The following GART variants were observed in gnomAD, a reference collection of about 807,000 sequenced individuals.
GART encodes trifunctional purine biosynthetic protein adenosine-3.
In GART, 43 loss-of-function variants were observed where a neutral mutation model predicts 107.2. That is an observed-to-expected ratio of 0.40 (90% CI 0.31 to 0.52). GART has a LOEUF of 0.52. Among genes scored for constraint, GART ranks in the 20% least tolerant of loss-of-function variants. GART has a pLI of 0.52. For missense variants in GART, 1,107 were observed against 1,206.5 expected (o/e 0.92, Z 1.22); for synonymous variants, 434 against 427.0 (o/e 1.02, Z -0.20).
At chr21:33,509,965 A>G (rs2084755778) in intron 17 of GART, 45 bp from the exon 18 acceptor site, 1 of 1,534,680 alleles carries the variant, frequency 6.5e-7, no homozygotes, top group Admixed American at 1.9e-5. Context: ...ACAATTGTGA[A>G]TTAACAAGAA....
chr21:33,509,963 G>T, intron 17 of GART, 43 bp from the exon 18 acceptor site: 1 of 1,527,872 alleles, frequency 6.5e-7, no homozygotes, highest in Non-Finnish European at 8.9e-7. Flanking sequence ...GAACAATTGT[G>T]AATTAACAAG....
At position 33,535,280 on chromosome 21, in the gene GART, G is replaced by A; in HGVS notation, c.186C>T (p.Cys62=). ...CTACAAATTCAATTTTCTTCTCTTT[G>A]CAGAATTGAGCAAGGGCAGTGTGGT... ...ISDHTALAQF[C]KEKKIEFVVV... is the part of the protein sequence containing the mutation. The change falls in exon 3 of 22, where the codon TGC becomes TGT. Residue 62 remains cysteine (C), a synonymous_variant. Transcript: ENST00000381815. The A allele has an allele frequency of 2.7e-6, 4 of 1,466,102 alleles. No homozygotes were observed. The highest frequency in any genetic ancestry group is 2.9e-5 in the East Asian group (1 of 34,978). 90.8% of individuals were successfully genotyped at this position (1,466,102 alleles called of 1,614,324 possible). A position where few individuals can be genotyped will look rare whatever the true frequency, so the allele number is the denominator to read the frequency against.
rs2084637325 is a variant in GART at position 33,504,089 on chromosome 21, T to G, written c.*35A>C. 1 of 1,554,330 alleles carries G rather than the reference T, an allele frequency of 6.4e-7. No homozygotes were observed. Among genetic ancestry groups the G allele is most frequent in the Admixed American group, 2.0e-5 (1 of 50,210 alleles). The stretch of plus-strand genomic sequence containing the variant: ...CCACCATGCAAACAGCAAATAATTC[T>G]TTCTAAACTGGCCCCATTTCTGAAT... On this transcript the variant is annotated 3_prime_UTR_variant, in exon 22 of 22. Transcript: ENST00000381815.
At chr21:33,512,585 T>C (rs2084805015) in intron 16 of GART, among the ~76,000 whole-genome samples, 1 of 152,122 alleles carries the variant, frequency 6.6e-6, no homozygotes, top group Non-Finnish European at 1.5e-5. Context: ...GATTTATTTA[T>C]TGGATAATTT....
chr21:33,515,212 C>A (rs2084852616), intron 16 of GART, among the ~76,000 whole-genome samples: 2 of 152,182 alleles, frequency 1.3e-5, no homozygotes, highest in South Asian at 4.1e-4. Context: ...AAGCTCCCAC[C>A]CCAGGCCTGA....
rs2085183111 is a variant in GART, at chr21:33,531,268, TA to T, written c.597+220del. 3.1e-5 allele frequency: 16 copies of T among 519,814 alleles called. No homozygotes were observed. The South Asian group carries it at 5.1e-4, about 17-fold the overall frequency. 32.2% of individuals were successfully genotyped at this position (519,814 alleles called of 1,614,324 possible). A position where few individuals can be genotyped will look rare whatever the true frequency, so the allele number is the denominator to read the frequency against. Reference sequence around the variant, plus strand: ...ATTAATCCAGAACCTCAATAGTGTGTAAGTCCAAGTGCCCCCACTAACACAC... The same window carrying T: ...ATTAATCCAGAACCTCAATAGTGTGTAGTCCAAGTGCCCCCACTAACACAC... On this transcript the variant is annotated intron_variant, in intron 6 of 21. Transcript: ENST00000381815.
rs368534728 is a variant in GART, at chr21:33,520,613, T to C, written c.1504-51A>G. 4.0e-5 allele frequency: 60 copies of C among 1,495,322 alleles called. No homozygotes were observed. In the African/African-American group the frequency reaches 7.5e-4, roughly 19 times the overall value. 92.6% of individuals were successfully genotyped at this position (1,495,322 alleles called of 1,614,324 possible). A position where few individuals can be genotyped will look rare whatever the true frequency, so the allele number is the denominator to read the frequency against. On this transcript the variant is annotated intron_variant, in intron 13 of 21. Coordinates refer to ENST00000381815, the MANE Select transcript of GART (RefSeq NM_000819.5). ...ACATTAGGGAATAAGTTCAAAATTG[T>C]ATCTTATCCATTTGATTAGCTGCTC...
chr21:33,531,393 T>C, intron 6 of GART, 96 bp downstream of exon 6: 1 of 1,051,704 alleles, frequency 9.5e-7, no homozygotes, highest in Non-Finnish European at 1.4e-6. Context: ...TGTTTTTAGA[T>C]GAAGCAACCA....
Position 33,534,764 on chromosome 21 carries a change from A to G in GART, c.242-11T>C, listed in dbSNP as rs759441701. 2.6e-6 allele frequency: 4 copies of G among 1,556,946 alleles called. No individual in the cohort carries two copies. The highest frequency in any genetic ancestry group is 1.8e-4 in the Middle Eastern group (1 of 5,548). On this transcript the variant is annotated splice_polypyrimidine_tract_variant and intron_variant, in intron 3 of 21. Coordinates refer to ENST00000381815, the MANE Select transcript of GART (RefSeq NM_000819.5). Reference sequence around the variant, plus strand: ...GGTTCCCAACAATCCCTATTGATGAAAACAGTAGCCTTAGGTGAACCAAGG... The same window carrying G: ...GGTTCCCAACAATCCCTATTGATGAGAACAGTAGCCTTAGGTGAACCAAGG...
At chr21:33,505,200 ACT>A (rs1020488906) in intron 20 of GART, among the ~76,000 whole-genome samples, 3 of 152,008 alleles carry the variant, frequency 2.0e-5, no homozygotes, top group Non-Finnish European at 4.4e-5. Context: ...ATACGGAATC[ACT>A]CTCTTTTGCT....
At chr21:33,542,221 G>A (rs2085455103), upstream of GART, 1 of 152,292 alleles carries the variant, frequency 6.6e-6, no homozygotes, top group African/African-American at 2.4e-5. Context: ...TCCGCGGCGA[G>A]AATCTAGTCT....
intron 4 of GART, among the ~76,000 whole-genome samples, chr21:33,533,087 T>G (rs754952411): frequency 4.6e-5 from 7 of 152,234 alleles, no homozygotes; most frequent in Non-Finnish European, 7.3e-5. Context: ...TAACACTCAT[T>G]AATTGCTCAA....
intron 1 of GART, among the ~76,000 whole-genome samples, chr21:33,540,823 G>A (rs921097697): frequency 2.6e-5 from 4 of 152,138 alleles, no homozygotes; most frequent in Non-Finnish European, 5.9e-5. Flanking sequence ...TTAACCTTGG[G>A]CAGGGTACTA....
chr21:33,508,813 C>A (rs2084731963), intron 18 of GART, among the ~76,000 whole-genome samples: 1 of 152,136 alleles, frequency 6.6e-6, no homozygotes, highest in African/African-American at 2.4e-5. Context: ...CAGCACCCGG[C>A]CCTATTGTTT....
At chr21:33,533,267 G>A (rs1418492701) in intron 4 of GART, among the ~76,000 whole-genome samples, 1 of 151,172 alleles carries the variant, frequency 6.6e-6, no homozygotes, top group Non-Finnish European at 1.5e-5. Context: ...GTGAAACCCC[G>A]TCTCTTCTAA....
chr21:33,528,771 A>C (rs2085124781), intron 8 of GART, 79 bp downstream of exon 8: 2 of 1,166,906 alleles, frequency 1.7e-6, no homozygotes, highest in Non-Finnish European at 2.4e-6. Flanking sequence ...AAAAAAAAAA[A>C]AGGGAATGGA....
At chr21:33,518,906 C>T (rs2145708560) in intron 14 of GART, 1 of 518,424 alleles carries the variant, frequency 1.9e-6, no homozygotes, top group East Asian at 4.9e-5. Context: ...AAAGTGTTCA[C>T]TGCCCCAGAG....
intron 18 of GART, among the ~76,000 whole-genome samples, chr21:33,507,241 T>G (rs138334206): frequency 3.4e-4 from 52 of 152,330 alleles, no homozygotes; most frequent in African/African-American, 1.2e-3. Context: ...TCCTGTCATT[T>G]GCAACAACAT....
At position 33,517,085 on chromosome 21, in the gene GART, G is replaced by T. The variant is rs200921953; in HGVS notation, c.2011C>A (p.Arg671Ser). ...IYSHSLLPVL[R>S]SGHVKAFAHI... ...GCAAAGGCTTTGACATGTCCTGAAC[G>T]TAGGACAGGTAACAGTGAATGGCTG... Residue 671 changes from arginine to serine, a missense_variant, in exon 16 of 22, where the codon CGT becomes AGT. Coordinates refer to ENST00000381815, the MANE Select transcript of GART (RefSeq NM_000819.5). The T allele has an allele frequency of 6.2e-7, 1 of 1,613,074 alleles. No individual in the cohort carries two copies. Among genetic ancestry groups the T allele is most frequent in the Non-Finnish European group, 8.5e-7 (1 of 1,179,262 alleles).
Sources: gnomAD v4.1 joint callset for allele counts (sites outside exome capture counted in the v4.1 genomes callset) on GRCh38, gnomAD v4.1.1 for gene constraint, MANE v1.5 for transcripts, NCBI Gene and HGNC (gene_info 2026-07-23, HGNC 2026-07-21) for gene names.